AMACR: variants seen among roughly 807,000 people sequenced by gnomAD.
AMACR encodes 2-methylacyl-CoA racemase.
In AMACR, 18 loss-of-function variants were observed where a neutral mutation model predicts 22.2. The observed-to-expected ratio is 0.81, with a 90% CI of 0.56 to 1.20. AMACR has a LOEUF of 1.20. AMACR is among the 50% of genes most tolerant of loss of function. AMACR has a pLI of 0.00. For missense variants in AMACR, 499 were observed against 490.6 expected, an observed-to-expected ratio of 1.02 and a Z score of -0.16; for synonymous variants, 213 against 191.3, an observed-to-expected ratio of 1.11 and a Z score of -0.94.
chr5:34,003,124 T>G (rs1338787818), intron 3 of AMACR, among the ~76,000 whole-genome samples: 1 of 152,194 alleles, frequency 6.6e-6, no homozygotes, highest in Non-Finnish European at 1.5e-5. Flanking sequence ...CCATTCTGCT[T>G]CTCTCCTTAG....
intron 4 of AMACR, among the ~76,000 whole-genome samples, chr5:33,996,691 CCAGAGTTCAAGGCTG>C (rs1234255998): frequency 6.6e-6 from 1 of 151,942 alleles, no homozygotes. Context: ...CACTGGTACC[CCAGAGTTCAAGGCTG>C]CAGAGTTCAA....
Position 33,989,375 on chromosome 5 carries a change from G to C in AMACR, c.867C>G (p.Gly289=). The C allele has an allele frequency of 6.2e-7, 1 of 1,614,150 alleles. No homozygotes were observed. Among genetic ancestry groups the C allele is most frequent in the Non-Finnish European group, 8.5e-7 (1 of 1,180,028 alleles). ...GAACCGGAGTCACACAGGCATCTGT[G>C]CCGTCAAAGATTTGACACCACTCTG... ...TKAEWCQIFD[G]TDACVTPVLT... The change falls in exon 5 of 5, where the codon GGC becomes GGG. Residue 289 remains glycine (G), a synonymous_variant. Transcript: ENST00000335606.
intron 4 of AMACR, 98 bp downstream of exon 4, chr5:33,998,543 T>A: frequency 1.5e-6 from 2 of 1,292,968 alleles, no homozygotes; most frequent in South Asian, 3.1e-5. Flanking sequence ...AGTGGCTATA[T>A]AATAAAAGAC....
chr5:33,993,789 C>T (rs930946967), intron 4 of AMACR, among the ~76,000 whole-genome samples: 2 of 152,080 alleles, frequency 1.3e-5, no homozygotes, highest in African/African-American at 4.8e-5. Flanking sequence ...ATCCCAGCTA[C>T]TCAGGAGGCT....
chr5:33,986,304 C>G lies in AMACR; in HGVS notation c.*2789G>C, dbSNP rs13289. ...CTTCAAATCATTAGCTGTGTCAGAT[C>G]GCCCTGATATTTCTCCTCGTGGTAC... On this transcript the variant is annotated 3_prime_UTR_variant, in exon 5 of 5. Transcript: ENST00000335606. 0.52 allele frequency: 78,836 copies of G among 152,110 alleles called. 21,944 individuals carry two copies. The highest frequency in any genetic ancestry group is 0.67 in the East Asian group (3,452 of 5,174). 9.4% of individuals were successfully genotyped at this position (152,110 alleles called of 1,614,324 possible).
intron 3 of AMACR, among the ~76,000 whole-genome samples, chr5:33,999,981 ATGT>A (rs1333405015): frequency 6.6e-6 from 1 of 152,216 alleles, no homozygotes; most frequent in Non-Finnish European, 1.5e-5. Context: ...AATATATTTT[ATGT>A]TTATGTTATT....
rs1445248801 is a variant in AMACR, at chr5:34,008,006, C to T, written c.14G>A (p.Gly5Asp). 2 of 1,610,704 alleles carry T rather than the reference C, an allele frequency of 1.2e-6. No homozygotes were observed. The highest frequency in any genetic ancestry group is 2.7e-5 in the African/African-American group (2 of 74,906). MALQ[G>D]ISVVELSGLA... ...GCCGGACAGCTCCACGACCGAGATG[C>T]CCTGCAGTGCCATGGCGCTTCCCAG... The change falls in exon 1 of 5, where the codon GGC becomes GAC. Residue 5 changes from glycine (G) to aspartate (D), a missense_variant. By Grantham distance (94) the Gly-to-Asp change is moderately conservative (BLOSUM62 -1). Coordinates refer to ENST00000335606, the MANE Select transcript of AMACR (RefSeq NM_014324.6).
intron 3 of AMACR, among the ~76,000 whole-genome samples, chr5:33,999,923 C>T (rs1311793108): frequency 6.6e-6 from 1 of 152,002 alleles, no homozygotes. Flanking sequence ...TATACACATA[C>T]ACACACACAC....
Position 34,007,869 on chromosome 5 carries a change from G to T in AMACR, c.151C>A (p.Arg51Ser). The change falls in exon 1 of 5, where the codon CGC (arginine) becomes AGC (serine). Residue 51 changes from arginine (R) to serine (S), a missense_variant. By Grantham distance (110) the Arg-to-Ser change is moderately radical. Transcript: ENST00000335606. ...TGCTTCAGGTCCAGCACTAGCGAGC[G>T]CTTGCCCCGGCCCAAGCGGCTCACG... is the stretch of plus-strand genomic sequence containing the variant. ...YDVSRLGRGK[R>S]SLVLDLKQPR... The T allele has an allele frequency of 6.3e-7, 1 of 1,590,686 alleles. No individual in the cohort carries two copies. Among genetic ancestry groups the T allele is most frequent in the African/African-American group, 1.3e-5 (1 of 74,674 alleles).
Position 33,989,278 on chromosome 5 carries a change from C to G in AMACR, c.964G>C (p.Asp322His). ...AGAGGTGCAGGGCGGGGGCTCACGT[C>G]CTGCTCCTCACTGGTGATAAACGAG... ...RGSFITSEEQDVSPRPAPLLL... is the reference protein window; with the variant it reads ...RGSFITSEEQHVSPRPAPLLL... Residue 322 changes from aspartate (D) to histidine (H), a missense_variant, in exon 5 of 5, where the codon GAC becomes CAC. Asp to His is a moderately conservative substitution (Grantham distance 81, BLOSUM62 -1). Coordinates refer to ENST00000335606, the MANE Select transcript of AMACR (RefSeq NM_014324.6). 1 of 1,614,094 alleles carries G rather than the reference C, an allele frequency of 6.2e-7. No homozygotes were observed. The highest frequency in any genetic ancestry group is 8.5e-7 in the Non-Finnish European group (1 of 1,180,000).
chr5:34,004,492 T>C, intron 3 of AMACR, 82 bp downstream of exon 3: 3 of 1,567,210 alleles, frequency 1.9e-6, no homozygotes, highest in Non-Finnish European at 2.6e-6. Flanking sequence ...TCTCTTGTCT[T>C]CTTCTTCAAA....
chr5:33,992,780 C>T (rs1219985751), intron 4 of AMACR, among the ~76,000 whole-genome samples: 1 of 151,934 alleles, frequency 6.6e-6, no homozygotes, highest in Non-Finnish European at 1.5e-5. Flanking sequence ...AGGCCACATC[C>T]CATATTTTCC....
intron 4 of AMACR, among the ~76,000 whole-genome samples, chr5:33,989,720 A>G (rs1360925588): frequency 2.6e-5 from 4 of 152,142 alleles, no homozygotes. Context: ...AGATTTTATT[A>G]TTCACATTTC....
At chr5:33,991,330 G>A (rs1476388345) in intron 4 of AMACR, among the ~76,000 whole-genome samples, 2 of 152,028 alleles carry the variant, frequency 1.3e-5, no homozygotes, top group Non-Finnish European at 2.9e-5. Flanking sequence ...AAACACCAAT[G>A]GTTTAAGGTG....
chr5:33,996,138 T>C (rs1753625985), intron 4 of AMACR, among the ~76,000 whole-genome samples: 1 of 152,080 alleles, frequency 6.6e-6, no homozygotes, highest in Non-Finnish European at 1.5e-5. Flanking sequence ...AGAGCTCACT[T>C]TGCTCTAGCC....
intron 4 of AMACR, among the ~76,000 whole-genome samples, chr5:33,991,881 G>A (rs577707224): frequency 1.3e-5 from 2 of 151,644 alleles, no homozygotes; most frequent in Non-Finnish European, 2.9e-5. Context: ...TTATTTATTT[G>A]TTTACTTATT....
chr5:33,988,131 G>T lies in AMACR; in HGVS notation c.*962C>A. The T allele has an allele frequency of 1.8e-6, 1 of 562,078 alleles. No individual in the cohort carries two copies. The highest frequency in any genetic ancestry group is 2.7e-5 in the South Asian group (1 of 37,110). The allele number at this position is 562,078 out of a possible 1,614,324, so 34.8% of individuals were successfully genotyped here. A position where few individuals can be genotyped will look rare whatever the true frequency, so the allele number is the denominator to read the frequency against. On this transcript the variant is annotated 3_prime_UTR_variant, in exon 5 of 5. Transcript: ENST00000335606. ...CTGATGGCACCCGGATTAGATTGTG[G>T]AATCTACCCCTTCCTCACATGCCTT...
At chr5:34,006,480 C>T (rs1237038591) in intron 1 of AMACR, among the ~76,000 whole-genome samples, 1 of 152,166 alleles carries the variant, frequency 6.6e-6, no homozygotes, top group African/African-American at 2.4e-5. Flanking sequence ...CCTGAAATTT[C>T]CTGGGATTAA....
intron 3 of AMACR, among the ~76,000 whole-genome samples, chr5:34,002,435 C>T (rs1753845651): frequency 6.6e-6 from 1 of 152,204 alleles, no homozygotes; most frequent in African/African-American, 2.4e-5. Flanking sequence ...AGAGAAGTAT[C>T]TAGGCTCAAA....
Sources: allele counts gnomAD v4.1 joint callset (sites outside exome capture counted in the v4.1 genomes callset), GRCh38; gene constraint gnomAD v4.1.1; transcripts MANE v1.5; gene names NCBI Gene and HGNC (gene_info 2026-07-23, HGNC 2026-07-21).